The following LRRC74A variants were observed in gnomAD, a reference collection of about 807,000 sequenced individuals.
The protein encoded by LRRC74A is leucine-rich repeat-containing protein 74A.
In LRRC74A, 44 loss-of-function variants were observed where a neutral mutation model predicts 57.9. That is an observed-to-expected ratio of 0.76 (90% CI 0.60 to 0.98). The LOEUF is 0.98. LRRC74A is among the 50% of genes least tolerant of loss of function. The pLI, the probability that LRRC74A is intolerant of heterozygous loss-of-function variation, is 0.00. For synonymous variants in LRRC74A, 211 were observed against 219.4 expected, an observed-to-expected ratio of 0.96 and a Z score of 0.34; for missense variants, 572 against 574.0, an observed-to-expected ratio of 1.00 and a Z score of 0.04.
At chr14:76,845,747 G>A (rs142202886) in intron 7 of LRRC74A, among the ~76,000 whole-genome samples, 3 of 152,234 alleles carry the variant, frequency 2.0e-5, no homozygotes, top group Non-Finnish European at 2.9e-5. Context: ...CAGGCTGGGC[G>A]TGGTGGCTTA....
At chr14:76,862,239 A>C (rs1181966040) in intron 11 of LRRC74A, among the ~76,000 whole-genome samples, 1 of 152,208 alleles carries the variant, frequency 6.6e-6, no homozygotes, top group Non-Finnish European at 1.5e-5. Flanking sequence ...GAACATAGAA[A>C]GTTTCATATG....
intron 6 of LRRC74A, 67 bp downstream of exon 6, chr14:76,844,539 C>T: frequency 6.8e-7 from 1 of 1,480,228 alleles, no homozygotes; most frequent in Non-Finnish European, 9.3e-7. Flanking sequence ...CAACCTGGGG[C>T]TGCTATGGGC....
intron 9 of LRRC74A, among the ~76,000 whole-genome samples, chr14:76,856,544 A>G (rs182527992): frequency 3.5e-5 from 5 of 141,236 alleles, no homozygotes; most frequent in Admixed American, 7.0e-5. Context: ...GGATGGATGG[A>G]TGGATGGATG....
intron 13 of LRRC74A, 47 bp from the exon 14 acceptor site, chr14:76,870,078 T>G: frequency 6.3e-7 from 1 of 1,594,044 alleles, no homozygotes; most frequent in Non-Finnish European, 8.6e-7. Flanking sequence ...CCATCAGCCA[T>G]GAGGCTGTAC....
At chr14:76,861,143 A>G (rs754132956) in intron 11 of LRRC74A, among the ~76,000 whole-genome samples, 2 of 152,232 alleles carry the variant, frequency 1.3e-5, no homozygotes, top group East Asian at 3.9e-4. Flanking sequence ...ACCAAGGGCA[A>G]GTTACTAAAG....
intron 11 of LRRC74A, 59 bp from the exon 12 acceptor site, chr14:76,865,909 A>G: frequency 7.8e-7 from 1 of 1,289,652 alleles, no homozygotes; most frequent in African/African-American, 1.5e-5. Context: ...GGGAAGGGGG[A>G]CCTGCGATCG....
At chr14:76,834,776 G>A (rs553848871) in intron 3 of LRRC74A, among the ~76,000 whole-genome samples, 54 of 152,248 alleles carry the variant, frequency 3.5e-4, no homozygotes, top group African/African-American at 1.2e-3. Context: ...GTGGTGATTC[G>A]ACTCATGTTT....
intron 5 of LRRC74A, among the ~76,000 whole-genome samples, chr14:76,840,244 GC>G (rs529397742): frequency 6.5e-4 from 98 of 151,936 alleles, no homozygotes; most frequent in Non-Finnish European, 1.2e-3. Flanking sequence ...CCCAGGACTG[GC>G]CCCCCTGGGC....
At chr14:76,863,619 C>CAT (rs1898505828) in intron 11 of LRRC74A, among the ~76,000 whole-genome samples, 1 of 152,190 alleles carries the variant, frequency 6.6e-6, no homozygotes, top group Non-Finnish European at 1.5e-5. Context: ...AACCTGTGAA[C>CAT]TCCTCCAGGG....
At chr14:76,857,173 GATGGATGA>G (rs141611210) in intron 9 of LRRC74A, among the ~76,000 whole-genome samples, 199 bp from the exon 10 acceptor site, 6,597 of 151,554 alleles carry the variant, frequency 0.044, 305 homozygotes, top group East Asian at 0.11. Flanking sequence ...TGGGTAGATG[GATGGATGA>G]ATGGATGGAT....
chr14:76,852,516 C>A, intron 8 of LRRC74A, 66 bp downstream of exon 8: 1 of 1,222,580 alleles, frequency 8.2e-7, no homozygotes, highest in Non-Finnish European at 1.2e-6. Flanking sequence ...CCCATCCTGC[C>A]ATCCTAAGCC....
At chr14:76,836,156 G>A in intron 3 of LRRC74A, 51 bp from the exon 4 acceptor site, 1 of 1,370,090 alleles carries the variant, frequency 7.3e-7, no homozygotes, top group Middle Eastern at 1.8e-4. Context: ...GGAACTGACT[G>A]GGTCACCAAC....
intron 7 of LRRC74A, among the ~76,000 whole-genome samples, chr14:76,848,238 C>T (rs1328230789): frequency 2.0e-5 from 3 of 151,704 alleles, no homozygotes; most frequent in Non-Finnish European, 2.9e-5. Context: ...ATGTAACAAA[C>T]CTGCACGTTG....
At chr14:76,828,660 T>A (rs1436919744) in intron 2 of LRRC74A, 1 of 644,106 alleles carries the variant, frequency 1.6e-6, no homozygotes, top group Non-Finnish European at 2.8e-6. Context: ...TCACGTCGTC[T>A]TGTTAAAAGC....
In LRRC74A at chr14:76,826,475, G is replaced by A; in HGVS notation, c.-223G>A. 1 of 1,530,104 alleles carries A rather than the reference G, an allele frequency of 6.5e-7. No homozygotes were observed. The highest frequency in any genetic ancestry group is 1.2e-5 in the South Asian group (1 of 82,306). 94.8% of individuals were successfully genotyped at this position (1,530,104 alleles called of 1,614,324 possible). On this transcript the variant is annotated 5_prime_UTR_variant, in exon 1 of 14. Transcript: ENST00000689127. ...GCTGGAGAAGTAGCTACCTCTCCCA[G>A]ACAGAGTTGGGGTCAAATTCATGCA...
At chr14:76,828,186 G>A in intron 1 of LRRC74A, 105 bp from the exon 2 acceptor site, 4 of 1,420,884 alleles carry the variant, frequency 2.8e-6, no homozygotes, top group Non-Finnish European at 3.8e-6. Flanking sequence ...GAGGACCTGG[G>A]ACTCAGAGGA....
intron 5 of LRRC74A, 96 bp from the exon 6 acceptor site, chr14:76,844,327 T>G: frequency 8.6e-7 from 1 of 1,164,838 alleles, no homozygotes; most frequent in East Asian, 2.5e-5. Flanking sequence ...TCTGTTCGAT[T>G]GTTCTAAAGG....
intron 5 of LRRC74A, among the ~76,000 whole-genome samples, chr14:76,840,826 G>A (rs984482493): frequency 2.0e-5 from 3 of 151,832 alleles, no homozygotes; most frequent in Non-Finnish European, 2.9e-5. Flanking sequence ...CTCGTGATCC[G>A]CCTGCCTCGG....
intron 2 of LRRC74A, chr14:76,828,917 G>A (rs1357402431): frequency 1.5e-6 from 1 of 649,504 alleles, no homozygotes; most frequent in Non-Finnish European, 1.9e-6. Flanking sequence ...CAGGCCCCTG[G>A]AGTGTTTCTG....
Sources: allele counts gnomAD v4.1 joint callset (sites outside exome capture counted in the v4.1 genomes callset), GRCh38; gene constraint gnomAD v4.1.1; transcripts MANE v1.5; gene names NCBI Gene and HGNC (gene_info 2026-07-23, HGNC 2026-07-21).